CAST: variants seen among roughly 807,000 people sequenced by gnomAD.
CAST encodes MIR583 host.
A neutral mutation model predicts 119.6 loss-of-function variants in CAST; 76 were observed. That is an observed-to-expected ratio of 0.64 (90% CI 0.53 to 0.77). The LOEUF (loss-of-function observed/expected upper bound fraction) is 0.77, where lower values mean the gene tolerates loss of function less well. Ranked by LOEUF, CAST falls within the 30% of genes least tolerant of loss-of-function variation. The pLI is 0.00. For synonymous variants in CAST, 319 were observed against 331.6 expected, an observed-to-expected ratio of 0.96 and a Z score of 0.41; for missense variants, 953 against 946.5, an observed-to-expected ratio of 1.01 and a Z score of -0.09.
chr5:96,494,300 T>C, the CAST span, among the ~76,000 whole-genome samples: 1 of 152,204 alleles, frequency 6.6e-6, no homozygotes, highest in African/African-American at 2.4e-5. Context: ...TATCCATAAC[T>C]TTAAAAGAGC....
the CAST span, among the ~76,000 whole-genome samples, chr5:96,160,129 A>G: frequency 6.6e-6 from 1 of 151,926 alleles, no homozygotes; most frequent in East Asian, 1.9e-4. Context: ...GAACAGAGCA[A>G]GACTCGTCGC....
chr5:96,491,490 C>CAAAAAAAAAAAAAAAAAAAAAAAAA, the CAST span, among the ~76,000 whole-genome samples: 1 of 56,790 alleles, frequency 1.8e-5, no homozygotes, highest in Non-Finnish European at 3.6e-5. Context: ...GACTCCATCT[C>CAAAAAAAAAAAAAAAAAAAAAAAAA]AAAAAAAAAA....
chr5:96,707,337 G>A (rs1755200936), intron 3 of CAST, among the ~76,000 whole-genome samples: 3 of 150,792 alleles, frequency 2.0e-5, no homozygotes. Flanking sequence ...TATTTTATAT[G>A]TTAGAAAAAA....
Position 96,674,931 on chromosome 5 carries a change from T to C in CAST, c.76-608T>C, listed in dbSNP as rs528030150. 1.8e-3 allele frequency among the ~76,000 whole-genome samples: 268 copies of C among 152,346 alleles called. 1 individual carries two copies. Among genetic ancestry groups the C allele is most frequent in the Non-Finnish European group, 3.4e-3 (228 of 68,030 alleles). On this transcript the variant is annotated intron_variant, in intron 1 of 31. Transcript: ENST00000675179. ...TCACCTTGTACCCCATAAAGATGTATGATTGTTATGTGTTAATTAAAAATA... is the reference window on the plus strand; with the variant it reads ...TCACCTTGTACCCCATAAAGATGTACGATTGTTATGTGTTAATTAAAAATA...
the CAST span, among the ~76,000 whole-genome samples, chr5:96,313,809 C>G: frequency 2.0e-5 from 3 of 151,922 alleles, no homozygotes; most frequent in Non-Finnish European, 4.4e-5. Flanking sequence ...TTGAGCCATT[C>G]CAATAGGTGT....
At chr5:96,447,418 C>G in the CAST span, among the ~76,000 whole-genome samples, 1 of 152,198 alleles carries the variant, frequency 6.6e-6, no homozygotes, top group Non-Finnish European at 1.5e-5. Flanking sequence ...CACAGAATAG[C>G]CACCGACTAC....
At chr5:96,124,444 T>G in the CAST span, among the ~76,000 whole-genome samples, 1 of 152,168 alleles carries the variant, frequency 6.6e-6, no homozygotes, top group East Asian at 1.9e-4. Context: ...TGATCTAACC[T>G]AAAAATTTCA....
chr5:96,447,954 C>T, the CAST span, among the ~76,000 whole-genome samples: 3 of 151,276 alleles, frequency 2.0e-5, no homozygotes, highest in Non-Finnish European at 4.4e-5. Context: ...TGTCCTACAT[C>T]AGTGATTTTC....
chr5:96,095,844 C>G, the CAST span, among the ~76,000 whole-genome samples: 2 of 151,980 alleles, frequency 1.3e-5, no homozygotes. Context: ...AAAGAGAGCC[C>G]AACTTTTCCT....
chr5:96,326,254 C>T, the CAST span, among the ~76,000 whole-genome samples: 2 of 152,184 alleles, frequency 1.3e-5, no homozygotes, highest in African/African-American at 2.4e-5. Flanking sequence ...TTGTGGTAAT[C>T]TCCCTTCTGA....
chr5:96,294,210 G>T, the CAST span, among the ~76,000 whole-genome samples: 2 of 152,116 alleles, frequency 1.3e-5, no homozygotes, highest in East Asian at 1.9e-4. Flanking sequence ...GCATTGACTT[G>T]GGCTGTCTTT....
the CAST span, among the ~76,000 whole-genome samples, chr5:96,401,086 C>CAAAAAAA: frequency 4.3e-5 from 3 of 70,572 alleles, no homozygotes; most frequent in East Asian, 5.4e-4. Context: ...GACTCCGTCT[C>CAAAAAAA]AAAAAAAAAA....
At chr5:96,129,479 T>A in the CAST span, among the ~76,000 whole-genome samples, 1 of 152,118 alleles carries the variant, frequency 6.6e-6, no homozygotes, top group African/African-American at 2.4e-5. Context: ...TGGCTGATGC[T>A]GCACCAGGTA....
the CAST span, among the ~76,000 whole-genome samples, chr5:96,032,457 T>C: frequency 1.3e-5 from 2 of 152,164 alleles, no homozygotes; most frequent in African/African-American, 2.4e-5. Flanking sequence ...CAGTTTGTTT[T>C]TCTTTAGAAT....
At chr5:96,237,965 T>G in the CAST span, among the ~76,000 whole-genome samples, 1 of 152,080 alleles carries the variant, frequency 6.6e-6, no homozygotes, top group Admixed American at 6.5e-5. Context: ...TATGTTTAGT[T>G]AATATTATTA....
the CAST span, among the ~76,000 whole-genome samples, chr5:95,989,762 T>A: frequency 6.6e-6 from 1 of 152,164 alleles, no homozygotes; most frequent in South Asian, 2.1e-4. Flanking sequence ...TTATGTCCAA[T>A]GTATGATTTA....
chr5:96,241,634 G>A, the CAST span, among the ~76,000 whole-genome samples: 88 of 142,162 alleles, frequency 6.2e-4, no homozygotes, highest in Middle Eastern at 3.6e-3. Flanking sequence ...CTGAGGAATC[G>A]CCACACTGAC....
the CAST span, among the ~76,000 whole-genome samples, chr5:96,507,320 C>T: frequency 6.6e-6 from 1 of 152,180 alleles, no homozygotes; most frequent in Non-Finnish European, 1.5e-5. Flanking sequence ...TTACCCTGAG[C>T]TTCATCCAAA....
intron 1 of CAST, among the ~76,000 whole-genome samples, chr5:96,647,796 T>C (rs974323848): frequency 2.6e-5 from 4 of 152,276 alleles, no homozygotes; most frequent in African/African-American, 9.6e-5. Context: ...TGGCCCTGCG[T>C]GCACCTTGAT....
Sources: allele counts gnomAD v4.1 joint callset (sites outside exome capture counted in the v4.1 genomes callset), GRCh38; gene constraint gnomAD v4.1.1; transcripts MANE v1.5; gene names NCBI Gene and HGNC (gene_info 2026-07-23, HGNC 2026-07-21).